Variants in DSE observed in about 807,000 individuals in gnomAD.
The protein encoded by DSE is dermatan sulfate epimerase.
A neutral mutation model predicts 84.4 loss-of-function variants in DSE; 36 were observed. The ratio of observed to expected loss-of-function variants is 0.43; its 90% CI spans 0.33 to 0.56. DSE has a LOEUF of 0.56. Ranked by LOEUF, DSE falls within the 20% of genes least tolerant of loss-of-function variation. The pLI is 0.06. For missense variants in DSE, 862 were observed against 1,169.6 expected, an observed-to-expected ratio of 0.74 and a Z score of 3.84; for synonymous variants, 410 against 430.1, an observed-to-expected ratio of 0.95 and a Z score of 0.58.
chr6:116,260,631 C>G (rs992798407), intron 2 of DSE, among the ~76,000 whole-genome samples: 2 of 152,112 alleles, frequency 1.3e-5, no homozygotes, highest in Non-Finnish European at 2.9e-5. Context: ...ACATTTAAGT[C>G]TTTAATTCAT....
intron 2 of DSE, among the ~76,000 whole-genome samples, chr6:116,262,784 T>C (rs760842788): frequency 3.3e-5 from 5 of 152,224 alleles, no homozygotes; most frequent in Non-Finnish European, 2.9e-5. Flanking sequence ...TTGCCTTAGC[T>C]GTGTCCCAGA....
chr6:116,366,163 A>G (rs1004381050), upstream of DSE: 6 of 152,380 alleles, frequency 3.9e-5, no homozygotes, highest in African/African-American at 1.4e-4. Context: ...TACTGATGAG[A>G]AAGTGGAACT....
chr6:116,375,161 A>G (rs1011083222), intron 1 of DSE, among the ~76,000 whole-genome samples: 29 of 152,180 alleles, frequency 1.9e-4, no homozygotes, highest in Non-Finnish European at 5.9e-5. Flanking sequence ...TGAAATTCAT[A>G]TGGTGAATTA....
intron 2 of DSE, among the ~76,000 whole-genome samples, chr6:116,358,343 G>A (rs1778692394): frequency 6.6e-6 from 1 of 152,322 alleles, no homozygotes; most frequent in East Asian, 1.9e-4. Context: ...ATAGCAGACT[G>A]CAGCCTACAT....
At chr6:116,278,515 T>C (rs1368279546) in intron 2 of DSE, 1 of 1,613,926 alleles carries the variant, frequency 6.2e-7, no homozygotes, top group East Asian at 2.2e-5. Context: ...CAAGGGCAAA[T>C]GTTAACCAGA....
At chr6:116,366,522 T>C (rs1366429017), upstream of DSE, 4 of 152,222 alleles carry the variant, frequency 2.6e-5, no homozygotes, top group African/African-American at 7.2e-5. Context: ...TCAGTAATTT[T>C]TGTAATTTCA....
chr6:116,267,713 A>G (rs992322448), intron 2 of DSE, among the ~76,000 whole-genome samples: 6 of 152,216 alleles, frequency 3.9e-5, no homozygotes, highest in Admixed American at 6.5e-5. Context: ...ACACTGCTAT[A>G]AAGAACTGCC....
At chr6:116,365,054 T>A (rs757995164) in intron 2 of DSE, among the ~76,000 whole-genome samples, 8 of 152,074 alleles carry the variant, frequency 5.3e-5, no homozygotes, top group Admixed American at 6.5e-5. Context: ...CCCAGGCTGA[T>A]CTCGAACTCC....
At chr6:116,324,501 T>C (rs887693513) in intron 2 of DSE, among the ~76,000 whole-genome samples, 1 of 152,134 alleles carries the variant, frequency 6.6e-6, no homozygotes. Flanking sequence ...GAGTTTTAGA[T>C]CTTCATCAAC....
chr6:116,384,345 G>A (rs1369179882), intron 1 of DSE, among the ~76,000 whole-genome samples: 4 of 152,194 alleles, frequency 2.6e-5, no homozygotes, highest in African/African-American at 9.7e-5. Flanking sequence ...TCCTTGGAAT[G>A]TCAGGAAATA....
At chr6:116,350,746 A>G (rs975085082) in intron 2 of DSE, among the ~76,000 whole-genome samples, 3 of 152,212 alleles carry the variant, frequency 2.0e-5, no homozygotes, top group African/African-American at 7.2e-5. Flanking sequence ...ATTCTCAAAG[A>G]TGAGTTATGT....
intron 2 of DSE, among the ~76,000 whole-genome samples, chr6:116,319,056 C>T (rs1014810606): frequency 2.0e-5 from 3 of 152,132 alleles, no homozygotes; most frequent in Non-Finnish European, 2.9e-5. Context: ...TCTAAACTCT[C>T]TTCAGTTCTA....
intron 1 of DSE, among the ~76,000 whole-genome samples, chr6:116,394,336 T>G (rs1781103685): frequency 6.6e-6 from 1 of 152,218 alleles, no homozygotes; most frequent in African/African-American, 2.4e-5. Context: ...AATTCATAAT[T>G]CACGTGGCTT....
At chr6:116,360,577 T>C (rs771865887) in intron 2 of DSE, among the ~76,000 whole-genome samples, 1 of 149,534 alleles carries the variant, frequency 6.7e-6, no homozygotes, top group Non-Finnish European at 1.5e-5. Flanking sequence ...ACCAATTTAG[T>C]GTTAACTCTC....
chr6:116,411,380 G>A (rs191591778), intron 2 of DSE, among the ~76,000 whole-genome samples: 3 of 152,352 alleles, frequency 2.0e-5, no homozygotes, highest in East Asian at 1.9e-4. Flanking sequence ...CTGCAGCCAC[G>A]TGGGTGTCCT....
At chr6:116,368,122 AGCT>A (rs553526814), upstream of DSE, among the ~76,000 whole-genome samples, 1 of 152,194 alleles carries the variant, frequency 6.6e-6, no homozygotes, top group Non-Finnish European at 1.5e-5. Flanking sequence ...GTCTGTTTGG[AGCT>A]GCATCTAGGC....
chr6:116,338,966 G>A (rs961071363), intron 2 of DSE, among the ~76,000 whole-genome samples: 55 of 152,134 alleles, frequency 3.6e-4, no homozygotes, highest in African/African-American at 1.3e-3. Flanking sequence ...TCCCAGAAAT[G>A]TTTGCTCCAA....
intron 2 of DSE, among the ~76,000 whole-genome samples, chr6:116,347,625 C>G (rs532704436): frequency 6.6e-6 from 1 of 152,212 alleles, no homozygotes; most frequent in Non-Finnish European, 1.5e-5. Context: ...CTTCCTTACA[C>G]CGCATACAAA....
intron 2 of DSE, among the ~76,000 whole-genome samples, chr6:116,330,855 G>T (rs1193136429): frequency 6.6e-6 from 1 of 152,108 alleles, no homozygotes; most frequent in Non-Finnish European, 1.5e-5. Flanking sequence ...AGGAAAAATT[G>T]CAGGCAACCT....
Sources: allele counts gnomAD v4.1 joint callset (sites outside exome capture counted in the v4.1 genomes callset), GRCh38; gene constraint gnomAD v4.1.1; transcripts MANE v1.5; gene names NCBI Gene and HGNC (gene_info 2026-07-23, HGNC 2026-07-21).